The following BST1 variants were observed in gnomAD, a reference collection of about 807,000 sequenced individuals.
The protein encoded by BST1 is bone marrow stromal cell antigen 1.
Under a neutral mutation model 40.6 loss-of-function variants are expected in BST1, and 49 were observed. The ratio of observed to expected loss-of-function variants is 1.21; its 90% confidence interval spans 0.96 to 1.53. The LOEUF is 1.53. BST1 is among the 40% of genes most tolerant of loss of function. The pLI is 0.00. For synonymous variants in BST1, 157 were observed against 159.3 expected, an observed-to-expected ratio of 0.99 and a Z score of 0.11; for missense variants, 423 against 395.9, an observed-to-expected ratio of 1.07 and a Z score of -0.58.
chr4:15,721,735 A>G (rs1337007138), intron 7 of BST1, among the ~76,000 whole-genome samples: 1 of 152,176 alleles, frequency 6.6e-6, no homozygotes, highest in African/African-American at 2.4e-5. Context: ...TGGCACACCA[A>G]CATGGCATGT....
At chr4:15,717,324 C>T (rs1434994023) in intron 6 of BST1, among the ~76,000 whole-genome samples, 1 of 152,146 alleles carries the variant, frequency 6.6e-6, no homozygotes, top group East Asian at 1.9e-4. Flanking sequence ...CTGTACACTC[C>T]CCCTCTATTA....
chr4:15,728,890 T>C (rs73125993), intron 8 of BST1, among the ~76,000 whole-genome samples: 13,231 of 152,038 alleles, frequency 0.087, 1,211 homozygotes, highest in East Asian at 0.52. Context: ...AGGTGATCCT[T>C]CTGCCTTGGC....
rs560107777 is a variant in BST1 at position 15,715,706 on chromosome 4, G to A, written c.612-1G>A. The A allele has an allele frequency of 2.2e-5, 35 of 1,581,434 alleles. 1 individual carries two copies. The South Asian group carries it at 3.9e-4, about 17-fold the overall frequency. ...TTAGGGCTTCAAGAAATGTTTCTCA[G>A]TTTTTTTGCAGATTATGAAATTCCA... On this transcript the variant is annotated splice_acceptor_variant, in intron 5 of 8. Transcript: ENST00000265016. LOFTEE classifies it high-confidence loss of function.
intron 8 of BST1, among the ~76,000 whole-genome samples, chr4:15,727,273 G>A (rs4588454): frequency 0.13 from 19,679 of 152,082 alleles, 1,353 homozygotes; most frequent in African/African-American, 0.15. Flanking sequence ...GTAAGTAAGG[G>A]GTTTGCAGTT....
the BST1 span, among the ~76,000 whole-genome samples, chr4:15,749,611 G>A: frequency 6.6e-6 from 1 of 152,180 alleles, no homozygotes; most frequent in Non-Finnish European, 1.5e-5. Context: ...TCCCTGCTTA[G>A]CAGCATAACA....
intron 6 of BST1, among the ~76,000 whole-genome samples, chr4:15,718,526 A>G (rs948548100): frequency 3.3e-5 from 5 of 152,330 alleles, no homozygotes; most frequent in African/African-American, 1.2e-4. Context: ...TAAAACTTCA[A>G]ATGAATATAC....
intron 8 of BST1, chr4:15,730,952 C>G: frequency 2.8e-6 from 1 of 356,938 alleles, no homozygotes; most frequent in Non-Finnish European, 4.8e-6. Context: ...AGAATTTATT[C>G]AAATGTGCCT....
chr4:15,704,289 T>G (rs546912569), intron 1 of BST1, among the ~76,000 whole-genome samples: 2 of 151,100 alleles, frequency 1.3e-5, no homozygotes, highest in South Asian at 4.2e-4. Flanking sequence ...GGGGTGTGTG[T>G]GTGTTCTGGA....
At chr4:15,755,639 G>A in the BST1 span, among the ~76,000 whole-genome samples, 2 of 152,022 alleles carry the variant, frequency 1.3e-5, no homozygotes, top group East Asian at 1.9e-4. Context: ...ATTATTTATG[G>A]GTGAAAAGCC....
intron 4 of BST1, among the ~76,000 whole-genome samples, chr4:15,712,935 G>C (rs918276772): frequency 3.3e-5 from 5 of 152,164 alleles, no homozygotes; most frequent in Non-Finnish European, 7.4e-5. Context: ...TAACTCAGGG[G>C]AGATGTCAAC....
chr4:15,753,935 C>G, the BST1 span, among the ~76,000 whole-genome samples: 1 of 152,326 alleles, frequency 6.6e-6, no homozygotes, highest in Non-Finnish European at 1.5e-5. Context: ...ACCCAGTGGC[C>G]TGAGGCAACC....
chr4:15,729,292 C>T (rs560340244), intron 8 of BST1, among the ~76,000 whole-genome samples: 1 of 152,092 alleles, frequency 6.6e-6, no homozygotes, highest in African/African-American at 2.4e-5. Flanking sequence ...CCTCTACAAG[C>T]AAACAAACAA....
intron 8 of BST1, among the ~76,000 whole-genome samples, chr4:15,729,824 A>G (rs896570964): frequency 6.6e-6 from 1 of 152,216 alleles, no homozygotes; most frequent in Non-Finnish European, 1.5e-5. Context: ...CTATTTGTGC[A>G]TGATAATGGA....
chr4:15,724,202 G>A (rs1288062949), intron 8 of BST1, among the ~76,000 whole-genome samples: 1 of 152,088 alleles, frequency 6.6e-6, no homozygotes, highest in Non-Finnish European at 1.5e-5. Flanking sequence ...GCCTCACTCT[G>A]CCTTCCTCTT....
the BST1 span, among the ~76,000 whole-genome samples, chr4:15,763,829 A>G: frequency 1.3e-5 from 2 of 152,050 alleles, no homozygotes; most frequent in African/African-American, 4.8e-5. Context: ...AAAGGGTTAC[A>G]TACTGTATGA....
intron 8 of BST1, chr4:15,731,477 C>T (rs1303538778): frequency 9.7e-6 from 9 of 929,882 alleles, no homozygotes; most frequent in South Asian, 6.7e-5. Flanking sequence ...TGACGGTGCC[C>T]GAGAAGCGCT....
At chr4:15,740,360 A>G (rs975571720), downstream of BST1, among the ~76,000 whole-genome samples, 2 of 152,198 alleles carry the variant, frequency 1.3e-5, no homozygotes, top group African/African-American at 4.8e-5. Flanking sequence ...TCGGGCCTAA[A>G]TTAGTAGTTA....
chr4:15,757,498 C>A, the BST1 span, among the ~76,000 whole-genome samples: 2 of 151,492 alleles, frequency 1.3e-5, no homozygotes, highest in African/African-American at 4.9e-5. Context: ...CAAAAGCACA[C>A]CCCCACCCCG....
chr4:15,769,331 A>C, the BST1 span, among the ~76,000 whole-genome samples: 3 of 152,214 alleles, frequency 2.0e-5, no homozygotes, highest in Non-Finnish European at 4.4e-5. Flanking sequence ...TTCTGGTGCT[A>C]GGGACAGAGA....
Sources: gnomAD v4.1 joint callset for allele counts (sites outside exome capture counted in the v4.1 genomes callset) on GRCh38, gnomAD v4.1.1 for gene constraint, MANE v1.5 for transcripts, NCBI Gene and HGNC (gene_info 2026-07-23, HGNC 2026-07-21) for gene names.